Variants in DGKB observed in about 807,000 individuals in gnomAD.
DGKB encodes 90 kDa diacylglycerol kinase.
In DGKB, 67 loss-of-function variants were observed where a neutral mutation model predicts 114.3. The ratio of observed to expected loss-of-function variants is 0.59; its 90% CI spans 0.48 to 0.72. DGKB has a LOEUF of 0.72. DGKB is among the 30% of genes least tolerant of loss of function. The pLI, the probability that DGKB is intolerant of heterozygous loss-of-function variation, is 0.00. For missense variants in DGKB, 907 were observed against 975.2 expected (o/e 0.93, Z 0.93); for synonymous variants, 398 against 323.1 (o/e 1.23, Z -2.49).
chr7:14,768,587 G>A (rs1295496197), intron 2 of DGKB, among the ~76,000 whole-genome samples: 1 of 147,336 alleles, frequency 6.8e-6, no homozygotes, highest in Admixed American at 6.7e-5. Flanking sequence ...TATTTGCACT[G>A]GTGTTATAAT....
intron 20 of DGKB, among the ~76,000 whole-genome samples, chr7:14,537,906 C>T (rs1241054749): frequency 6.6e-6 from 1 of 151,992 alleles, no homozygotes; most frequent in East Asian, 1.9e-4. Flanking sequence ...CATGGAGAAA[C>T]CCCGTCTCTA....
intron 1 of DGKB, among the ~76,000 whole-genome samples, chr7:14,961,357 C>A (rs1201179203): frequency 6.6e-6 from 1 of 151,980 alleles, no homozygotes; most frequent in Non-Finnish European, 1.5e-5. Context: ...CTTTAGTAAC[C>A]AAACCTTTCT....
chr7:14,274,049 C>T (rs903364872), intron 23 of DGKB, among the ~76,000 whole-genome samples: 12 of 152,066 alleles, frequency 7.9e-5, no homozygotes, highest in Admixed American at 6.6e-4. Context: ...CTTTTTGATA[C>T]ACTTGAGGGG....
intron 23 of DGKB, among the ~76,000 whole-genome samples, chr7:14,183,847 T>C (rs1444069321): frequency 6.6e-6 from 1 of 152,114 alleles, no homozygotes; most frequent in African/African-American, 2.4e-5. Flanking sequence ...GCAGCTCGCA[T>C]TGTAAATTTT....
At chr7:14,508,856 G>T (rs1787534071) in intron 20 of DGKB, among the ~76,000 whole-genome samples, 1 of 152,266 alleles carries the variant, frequency 6.6e-6, no homozygotes, top group African/African-American at 2.4e-5. Flanking sequence ...ACGTTTTACA[G>T]AATTGAATTG....
At chr7:14,432,217 C>G (rs1828552824) in intron 21 of DGKB, among the ~76,000 whole-genome samples, 1 of 152,078 alleles carries the variant, frequency 6.6e-6, no homozygotes, top group Non-Finnish European at 1.5e-5. Flanking sequence ...AAATATTTCC[C>G]TTTGTAACTG....
intron 2 of DGKB, among the ~76,000 whole-genome samples, chr7:14,788,192 C>G (rs894725505): frequency 1.2e-4 from 18 of 152,312 alleles, no homozygotes; most frequent in African/African-American, 4.3e-4. Flanking sequence ...TGCCCTGATA[C>G]AAAACAGATC....
intron 1 of DGKB, among the ~76,000 whole-genome samples, chr7:14,859,786 G>A (rs771958131): frequency 2.6e-5 from 4 of 151,930 alleles, no homozygotes; most frequent in Non-Finnish European, 5.9e-5. Flanking sequence ...CTGACTAAAT[G>A]CAAATATCTG....
intron 21 of DGKB, among the ~76,000 whole-genome samples, chr7:14,476,812 T>C (rs1782243590): frequency 6.7e-6 from 1 of 150,032 alleles, no homozygotes; most frequent in African/African-American, 2.5e-5. Flanking sequence ...TGGAGTGCAA[T>C]GGTGCAATCT....
intron 2 of DGKB, among the ~76,000 whole-genome samples, chr7:14,823,025 G>A (rs961519184): frequency 6.6e-6 from 1 of 151,662 alleles, no homozygotes; most frequent in African/African-American, 2.4e-5. Context: ...ATTGTAAATA[G>A]TACTTTTAAA....
chr7:14,220,059 G>C (rs915507301), intron 23 of DGKB, among the ~76,000 whole-genome samples: 1 of 151,586 alleles, frequency 6.6e-6, no homozygotes. Context: ...AGATGATATA[G>C]TCTACTACAC....
chr7:14,271,628 A>G (rs1798280551), intron 23 of DGKB, among the ~76,000 whole-genome samples: 1 of 152,262 alleles, frequency 6.6e-6, no homozygotes, highest in Admixed American at 6.5e-5. Context: ...ATTTAAAAGG[A>G]AAGCATTACC....
chr7:14,675,102 C>G (rs532964851), intron 12 of DGKB, among the ~76,000 whole-genome samples: 1 of 152,038 alleles, frequency 6.6e-6, no homozygotes, highest in Non-Finnish European at 1.5e-5. Context: ...AGAAAACAGA[C>G]GCTAAGAACC....
chr7:14,178,001 CGCCTTTG>C, intron 24 of DGKB, 23 bp downstream of exon 24: 1 of 1,516,340 alleles, frequency 6.6e-7, no homozygotes, highest in Non-Finnish European at 8.8e-7. Context: ...CCATATCAAA[CGCCTTTG>C]TCAGTTACAG....
At chr7:14,670,551 C>G (rs1482904073) in intron 13 of DGKB, among the ~76,000 whole-genome samples, 1 of 151,924 alleles carries the variant, frequency 6.6e-6, no homozygotes, top group African/African-American at 2.4e-5. Flanking sequence ...GTGATCCACC[C>G]ACCTCGACCC....
intron 6 of DGKB, among the ~76,000 whole-genome samples, chr7:14,704,659 C>A (rs1304031465): frequency 6.6e-6 from 1 of 152,056 alleles, no homozygotes; most frequent in Non-Finnish European, 1.5e-5. Flanking sequence ...GGGTCCCTAA[C>A]CCCTGACCCC....
chr7:14,653,499 C>G (rs1450592545), intron 13 of DGKB, among the ~76,000 whole-genome samples: 1 of 149,794 alleles, frequency 6.7e-6, no homozygotes, highest in East Asian at 2.0e-4. Context: ...ACTCTGGGGA[C>G]TGTTGTGGGG....
chr7:14,642,361 T>C (rs1420934436), intron 13 of DGKB, among the ~76,000 whole-genome samples: 1 of 152,160 alleles, frequency 6.6e-6, no homozygotes. Flanking sequence ...TTTCTTTATT[T>C]TTGAGTTGCA....
At chr7:14,754,244 G>A (rs2128440991) in intron 3 of DGKB, among the ~76,000 whole-genome samples, 1 of 152,082 alleles carries the variant, frequency 6.6e-6, no homozygotes, top group East Asian at 1.9e-4. Context: ...GGTTGATTCT[G>A]AGGTACACTA....
Sources: gnomAD v4.1 joint callset for allele counts (sites outside exome capture counted in the v4.1 genomes callset) on GRCh38, gnomAD v4.1.1 for gene constraint, MANE v1.5 for transcripts, NCBI Gene and HGNC (gene_info 2026-07-23, HGNC 2026-07-21) for gene names.